Variants in SOX6 observed in about 807,000 individuals in gnomAD.
SOX6 encodes the protein transcription factor SOX-6.
Under a neutral mutation model 97.8 loss-of-function variants are expected in SOX6, and 11 were observed. The ratio of observed to expected loss-of-function variants is 0.11; its 90% CI spans 0.07 to 0.19. SOX6 has a LOEUF of 0.19. SOX6 is among the 10% of genes least tolerant of loss of function. The pLI is 1.00. For synonymous variants in SOX6, 360 were observed against 371.4 expected, an observed-to-expected ratio of 0.97 and a Z score of 0.35; for missense variants, 810 against 1,039.5, an observed-to-expected ratio of 0.78 and a Z score of 3.04.
chr11:16,653,628 T>C (rs1463938634), intron 3 of SOX6, among the ~76,000 whole-genome samples: 1 of 151,840 alleles, frequency 6.6e-6, no homozygotes, highest in African/African-American at 2.4e-5. Context: ...GGGAAGCGGG[T>C]AGGAGGGTGA....
intron 1 of SOX6, among the ~76,000 whole-genome samples, chr11:16,452,979 C>T (rs371798987): frequency 2.0e-5 from 3 of 152,296 alleles, no homozygotes; most frequent in East Asian, 3.9e-4. Flanking sequence ...GGATGCTCCA[C>T]AGCAGGTAAA....
chr11:16,381,473 T>C (rs1285845485), intron 1 of SOX6, among the ~76,000 whole-genome samples: 1 of 152,064 alleles, frequency 6.6e-6, no homozygotes, highest in African/African-American at 2.4e-5. Context: ...GCCTGTTCTG[T>C]TAAAACTTTA....
chr11:16,632,052 C>CTTTGAA (rs1461949780), intron 3 of SOX6, among the ~76,000 whole-genome samples: 2 of 152,150 alleles, frequency 1.3e-5, no homozygotes, highest in African/African-American at 4.8e-5. Flanking sequence ...GCAATCCATG[C>CTTTGAA]TTTGAATTCT....
intron 6 of SOX6, among the ~76,000 whole-genome samples, chr11:16,161,191 C>G (rs1430233950): frequency 6.6e-6 from 1 of 152,018 alleles, no homozygotes; most frequent in Non-Finnish European, 1.5e-5. Context: ...AAGATACACA[C>G]AGTTGGTTCT....
At chr11:16,523,200 C>T (rs1019015151) in intron 4 of SOX6, among the ~76,000 whole-genome samples, 2 of 152,120 alleles carry the variant, frequency 1.3e-5, no homozygotes, top group African/African-American at 4.8e-5. Context: ...CACCACACCA[C>T]ACCTATTCCA....
chr11:16,485,855 C>T (rs1419554904), intron 4 of SOX6, among the ~76,000 whole-genome samples: 1 of 145,140 alleles, frequency 6.9e-6, no homozygotes, highest in East Asian at 2.1e-4. Flanking sequence ...GATCACGCCA[C>T]TGCATTCTAT....
At position 16,111,868 on chromosome 11, in the gene SOX6, G is replaced by C. The variant is rs1358224158; in HGVS notation, c.833C>G (p.Thr278Ser). 2.5e-6 allele frequency: 4 copies of C among 1,612,694 alleles called. No homozygotes were observed. Among genetic ancestry groups the C allele is most frequent in the Non-Finnish European group, 3.4e-6 (4 of 1,179,940 alleles). Reference sequence around the variant, plus strand: ...TTGGGCAGCAGCAGCTGCTGCCAGAGTCCGCTGGTCATGTGGAAAAATTGG... The same window carrying C: ...TTGGGCAGCAGCAGCTGCTGCCAGACTCCGCTGGTCATGTGGAAAAATTGG... ...MIPIFPHDQR[T>S]LAAAAAAQQG... is the part of the protein sequence containing the mutation. The change falls in exon 7 of 16, where the codon ACT (threonine) becomes AGT (serine). Residue 278 changes from threonine to serine, a missense_variant. Coordinates refer to ENST00000683767, the MANE Select transcript of SOX6 (RefSeq NM_001367873.1).
At chr11:16,650,784 TA>T (rs1183637763) in intron 3 of SOX6, among the ~76,000 whole-genome samples, 2 of 122,004 alleles carry the variant, frequency 1.6e-5, no homozygotes, top group Admixed American at 1.8e-4. Flanking sequence ...AGAGCAGAAC[TA>T]AATGAAATTG....
intron 3 of SOX6, among the ~76,000 whole-genome samples, chr11:16,703,154 G>A (rs114957538): frequency 0.015 from 2,237 of 151,686 alleles, 57 homozygotes; most frequent in African/African-American, 0.051. Context: ...CTACATGATC[G>A]AATCACACTG....
chr11:16,189,283 G>C (rs188144080), intron 4 of SOX6, among the ~76,000 whole-genome samples: 1 of 152,256 alleles, frequency 6.6e-6, no homozygotes, highest in East Asian at 1.9e-4. Context: ...ATGGTTTGAA[G>C]GAGCTTTCCA....
At chr11:16,207,549 C>A (rs902503812) in intron 4 of SOX6, among the ~76,000 whole-genome samples, 3 of 150,152 alleles carry the variant, frequency 2.0e-5, no homozygotes, top group African/African-American at 4.9e-5. Flanking sequence ...GAGCCGAGAT[C>A]GCACCACTGC....
At chr11:16,350,103 G>A (rs994322993) in intron 1 of SOX6, among the ~76,000 whole-genome samples, 22 of 152,194 alleles carry the variant, frequency 1.4e-4, no homozygotes, top group African/African-American at 5.3e-4. Flanking sequence ...AAGAGCATAG[G>A]CTCTCCTGAG....
intron 1 of SOX6, among the ~76,000 whole-genome samples, chr11:16,737,256 G>C (rs1030365932): frequency 6.6e-6 from 1 of 152,154 alleles, no homozygotes; most frequent in East Asian, 1.9e-4. Flanking sequence ...ACCCAGGCTG[G>C]AGTGCAGTGG....
At chr11:16,037,488 C>T (rs1855548974) in intron 12 of SOX6, among the ~76,000 whole-genome samples, 1 of 152,180 alleles carries the variant, frequency 6.6e-6, no homozygotes, top group African/African-American at 2.4e-5. Context: ...GGAGTTCCAC[C>T]TACAGAACTG....
At chr11:16,258,496 T>G (rs1487947753) in intron 3 of SOX6, among the ~76,000 whole-genome samples, 1 of 152,002 alleles carries the variant, frequency 6.6e-6, no homozygotes, top group Non-Finnish European at 1.5e-5. Context: ...CTATCTGGCA[T>G]TCTAGAAAAA....
chr11:16,424,542 T>C (rs939588179), intron 1 of SOX6, among the ~76,000 whole-genome samples: 3 of 103,822 alleles, frequency 2.9e-5, no homozygotes, highest in Non-Finnish European at 7.3e-5. Flanking sequence ...GGAATGGAAG[T>C]AAAAAGGCAC....
intron 3 of SOX6, among the ~76,000 whole-genome samples, chr11:16,246,773 CATT>C (rs1280143218): frequency 1.3e-5 from 2 of 151,778 alleles, no homozygotes; most frequent in African/African-American, 4.8e-5. Flanking sequence ...TTTAATTTTT[CATT>C]ATTATGGGCA....
intron 4 of SOX6, among the ~76,000 whole-genome samples, chr11:16,520,152 G>T (rs1383491212): frequency 6.6e-6 from 1 of 152,136 alleles, no homozygotes; most frequent in East Asian, 1.9e-4. Context: ...TAGGTTGTCT[G>T]TTTAATCTGT....
chr11:16,498,098 A>G (rs1162753474), intron 4 of SOX6, among the ~76,000 whole-genome samples: 2 of 152,248 alleles, frequency 1.3e-5, no homozygotes, highest in African/African-American at 4.8e-5. Context: ...AGGGAAGCCC[A>G]TCAGACTAAC....
Sources: gnomAD v4.1 joint callset for allele counts (sites outside exome capture counted in the v4.1 genomes callset) on GRCh38, gnomAD v4.1.1 for gene constraint, MANE v1.5 for transcripts, NCBI Gene and HGNC (gene_info 2026-07-23, HGNC 2026-07-21) for gene names.